GRIN2A: variants seen among roughly 807,000 people sequenced by gnomAD.
The protein encoded by GRIN2A is glutamate receptor ionotropic, NMDA 2A.
A neutral mutation model predicts 113.4 loss-of-function variants in GRIN2A; 22 were observed. That is an observed-to-expected ratio of 0.19 (90% CI 0.14 to 0.28). The LOEUF is 0.28. Ranked by LOEUF, GRIN2A falls within the 10% of genes least tolerant of loss-of-function variation. The pLI is 1.00. For synonymous variants in GRIN2A, 827 were observed against 738.4 expected (o/e 1.12, Z -1.94); for missense variants, 1,502 against 1,887.0 (o/e 0.80, Z 3.78).
intron 3 of GRIN2A, among the ~76,000 whole-genome samples, chr16:9,920,595 G>T (rs1438607245): frequency 5.0e-5 from 7 of 139,952 alleles, no homozygotes; most frequent in South Asian, 2.2e-4. Flanking sequence ...ATGGAGTCTT[G>T]CTTGCTCTGT....
chr16:9,948,654 C>T (rs1242682318), intron 2 of GRIN2A, among the ~76,000 whole-genome samples: 1 of 152,166 alleles, frequency 6.6e-6, no homozygotes, highest in Non-Finnish European at 1.5e-5. Context: ...ATCGTCTTAT[C>T]CAGCAAAACA....
At chr16:9,861,632 T>C (rs73500604) in intron 4 of GRIN2A, among the ~76,000 whole-genome samples, 4 of 152,362 alleles carry the variant, frequency 2.6e-5, no homozygotes, top group African/African-American at 7.2e-5. Context: ...GACTTTGCAG[T>C]TGAGTTCAGT....
At chr16:9,851,067 C>A (rs946630754) in intron 4 of GRIN2A, among the ~76,000 whole-genome samples, 1 of 152,154 alleles carries the variant, frequency 6.6e-6, no homozygotes, top group African/African-American at 2.4e-5. Flanking sequence ...CCACTCACCT[C>A]TCCTCCTGTA....
At chr16:9,904,323 A>G (rs2043988423) in intron 3 of GRIN2A, among the ~76,000 whole-genome samples, 2 of 152,166 alleles carry the variant, frequency 1.3e-5, no homozygotes, top group South Asian at 4.1e-4. Flanking sequence ...GTGTACTCAC[A>G]TGGTGGAGAG....
intron 2 of GRIN2A, among the ~76,000 whole-genome samples, chr16:10,135,360 G>A (rs1037090514): frequency 6.6e-6 from 1 of 152,176 alleles, no homozygotes; most frequent in African/African-American, 2.4e-5. Context: ...CTAAAATGAT[G>A]TATGCCTTCT....
At chr16:10,139,929 G>C (rs1222112656) in intron 2 of GRIN2A, among the ~76,000 whole-genome samples, 1 of 152,120 alleles carries the variant, frequency 6.6e-6, no homozygotes, top group African/African-American at 2.4e-5. Context: ...CCAGGTTAAA[G>C]TGATCCTCAT....
At chr16:10,126,364 G>A (rs908285404) in intron 2 of GRIN2A, among the ~76,000 whole-genome samples, 17 of 151,794 alleles carry the variant, frequency 1.1e-4, no homozygotes, top group Admixed American at 2.6e-4. Context: ...GGGGGGTCTC[G>A]CTATGTTACC....
chr16:9,863,823 C>T (rs7189901), intron 4 of GRIN2A, among the ~76,000 whole-genome samples: 47,378 of 152,008 alleles, frequency 0.31, 7,585 homozygotes, highest in African/African-American at 0.35. Flanking sequence ...TCTATATCTG[C>T]ATCTGTTATT....
At chr16:10,177,347 T>C (rs2050168900) in intron 2 of GRIN2A, among the ~76,000 whole-genome samples, 1 of 152,146 alleles carries the variant, frequency 6.6e-6, no homozygotes, top group Admixed American at 6.5e-5. Flanking sequence ...ACCAGACATA[T>C]ACCCCGATGT....
intron 2 of GRIN2A, among the ~76,000 whole-genome samples, chr16:10,062,631 G>A (rs2047568492): frequency 6.6e-6 from 1 of 152,184 alleles, no homozygotes; most frequent in Admixed American, 6.5e-5. Context: ...TTGGGAGGCC[G>A]AGGTGGGTGT....
chr16:9,985,154 G>A (rs181448008), intron 2 of GRIN2A, among the ~76,000 whole-genome samples: 85 of 152,232 alleles, frequency 5.6e-4, no homozygotes, highest in Non-Finnish European at 9.4e-4. Context: ...TCTCAGTTAC[G>A]TTGGGCCCAA....
chr16:10,124,117 G>T (rs1239183709), intron 2 of GRIN2A, among the ~76,000 whole-genome samples: 1 of 152,128 alleles, frequency 6.6e-6, no homozygotes, highest in East Asian at 1.9e-4. Context: ...AGCTTAGGTT[G>T]TTAAAAAAGC....
intron 2 of GRIN2A, among the ~76,000 whole-genome samples, chr16:10,106,062 C>G (rs1392502756): frequency 6.6e-6 from 1 of 152,186 alleles, no homozygotes; most frequent in African/African-American, 2.4e-5. Flanking sequence ...GCAAAGCCAC[C>G]TTTTGTGTAT....
At chr16:9,870,639 T>C (rs969287486) in intron 4 of GRIN2A, among the ~76,000 whole-genome samples, 28 of 151,178 alleles carry the variant, frequency 1.9e-4, no homozygotes, top group Admixed American at 7.2e-4. Context: ...TTTTTTTTTT[T>C]TTTTTCTTTT....
intron 2 of GRIN2A, among the ~76,000 whole-genome samples, chr16:10,097,194 T>C (rs934149668): frequency 6.6e-6 from 1 of 152,238 alleles, no homozygotes; most frequent in Non-Finnish European, 1.5e-5. Context: ...CTTCGTGGTA[T>C]ATATTTTTGC....
intron 2 of GRIN2A, among the ~76,000 whole-genome samples, chr16:10,038,864 A>C (rs1353273872): frequency 2.0e-5 from 3 of 149,980 alleles, no homozygotes; most frequent in Non-Finnish European, 4.4e-5. Flanking sequence ...AAAACAAAAA[A>C]CAAAACAAAA....
chr16:10,132,564 T>C (rs929248144), intron 2 of GRIN2A, among the ~76,000 whole-genome samples: 3 of 152,186 alleles, frequency 2.0e-5, no homozygotes, highest in Admixed American at 2.0e-4. Context: ...ACATTTATCA[T>C]GCAAGAGCTA....
chr16:9,955,358 T>C (rs912560644), intron 2 of GRIN2A, among the ~76,000 whole-genome samples: 4 of 152,218 alleles, frequency 2.6e-5, no homozygotes, highest in Non-Finnish European at 4.4e-5. Context: ...TTACCTTCTC[T>C]GTCCAACTCC....
intron 2 of GRIN2A, among the ~76,000 whole-genome samples, chr16:9,975,632 C>T (rs1184689223): frequency 6.6e-6 from 1 of 152,136 alleles, no homozygotes; most frequent in Non-Finnish European, 1.5e-5. Context: ...ACATGAAAAA[C>T]AGAGGGGAAA....
Sources: gnomAD v4.1 joint callset for allele counts (sites outside exome capture counted in the v4.1 genomes callset) on GRCh38, gnomAD v4.1.1 for gene constraint, MANE v1.5 for transcripts, NCBI Gene and HGNC (gene_info 2026-07-23, HGNC 2026-07-21) for gene names.